CAP1: variants seen among roughly 807,000 people sequenced by gnomAD.
CAP1 encodes adenylyl cyclase-associated protein 1.
Under a neutral mutation model 58.2 loss-of-function variants are expected in CAP1, and 11 were observed. The observed-to-expected ratio is 0.19, with a 90% CI of 0.12 to 0.31. The LOEUF (loss-of-function observed/expected upper bound fraction) is 0.31, where lower values mean the gene tolerates loss of function less well. Among genes scored for constraint, CAP1 ranks in the 10% least tolerant of loss-of-function variants. CAP1 has a pLI of 1.00. For missense variants in CAP1, 423 were observed against 587.5 expected, an observed-to-expected ratio of 0.72 and a Z score of 2.89; for synonymous variants, 183 against 213.8, an observed-to-expected ratio of 0.86 and a Z score of 1.26.
chr1:40,070,349 C>T, intron 10 of CAP1, 67 bp downstream of exon 10: 1 of 1,608,572 alleles, frequency 6.2e-7, no homozygotes, highest in Non-Finnish European at 8.5e-7. Flanking sequence ...ACCATTTTAC[C>T]TACCCTATCC....
chr1:40,047,779 G>C (rs1344696129), intron 1 of CAP1, among the ~76,000 whole-genome samples: 1 of 152,180 alleles, frequency 6.6e-6, no homozygotes, highest in African/African-American at 2.4e-5. Context: ...TCCAGACATT[G>C]AAACAGCTAG....
chr1:40,049,430 C>T (rs535832598), intron 1 of CAP1, among the ~76,000 whole-genome samples: 10 of 151,976 alleles, frequency 6.6e-5, no homozygotes, highest in East Asian at 1.9e-4. Flanking sequence ...AGGCTGGTCT[C>T]GAACTCTTGA....
upstream of CAP1, chr1:40,040,325 T>C (rs1268660128): frequency 6.6e-6 from 1 of 151,784 alleles, no homozygotes; most frequent in Non-Finnish European, 1.5e-5. Context: ...CAAGACCCTT[T>C]ACGGACTGCA....
chr1:40,061,590 C>T, intron 3 of CAP1, 145 bp from the exon 4 acceptor site: 3 of 713,242 alleles, frequency 4.2e-6, no homozygotes, highest in Non-Finnish European at 2.5e-6. Flanking sequence ...TGCTCTCAGT[C>T]CCTGGAATCT....
intron 3 of CAP1, 59 bp downstream of exon 3, chr1:40,060,229 C>A: frequency 1.6e-6 from 2 of 1,274,110 alleles, no homozygotes; most frequent in Non-Finnish European, 1.1e-6. Context: ...CTTCAGTCAG[C>A]CAAGGTCCTC....
intron 7 of CAP1, 70 bp from the exon 8 acceptor site, chr1:40,067,470 A>T: frequency 7.5e-7 from 1 of 1,333,640 alleles, no homozygotes; most frequent in Non-Finnish European, 1.0e-6. Context: ...TGGCCCATGT[A>T]GGGCACTACT....
rs1450513855 is a variant in CAP1, at chr1:40,070,482, G to A, written c.1170G>A (p.Glu390=). 6.2e-7 allele frequency: 1 copy of A among 1,614,102 alleles called. No homozygotes were observed. The highest frequency in any genetic ancestry group is 8.5e-7 in the Non-Finnish European group (1 of 1,179,938). Residue 390 remains glutamate, a synonymous_variant, in exon 11 of 13, where the codon GAG becomes GAA. Coordinates refer to ENST00000372805, the MANE Select transcript of CAP1 (RefSeq NM_006367.4). The part of the protein sequence containing the change: ...LVFDDVVGIV[E]IINSKDVKVQ... Reference sequence around the variant, plus strand: ...TCGATGACGTGGTGGGCATTGTGGAGATAATCAACAGTAAGGATGTCAAAG... The same window carrying A: ...TCGATGACGTGGTGGGCATTGTGGAAATAATCAACAGTAAGGATGTCAAAG...
chr1:40,052,956 G>A (rs1238103459), intron 1 of CAP1, among the ~76,000 whole-genome samples: 1 of 152,082 alleles, frequency 6.6e-6, no homozygotes, highest in Non-Finnish European at 1.5e-5. Flanking sequence ...CAGGCATGGT[G>A]GCTCACGCCT....
chr1:40,064,139 A>AT, intron 4 of CAP1, 88 bp from the exon 5 acceptor site: 1 of 1,307,172 alleles, frequency 7.7e-7, no homozygotes, highest in Non-Finnish European at 1.1e-6. Context: ...ACTAGAGTCC[A>AT]TAGAGAATTC....
At chr1:40,053,409 A>G (rs1646468332) in intron 1 of CAP1, among the ~76,000 whole-genome samples, 1 of 151,738 alleles carries the variant, frequency 6.6e-6, no homozygotes. Flanking sequence ...GAATATTTGT[A>G]CTCTAGGCCT....
intron 5 of CAP1, 23 bp from the exon 6 acceptor site, chr1:40,064,451 A>T: frequency 1.2e-6 from 2 of 1,611,704 alleles, no homozygotes; most frequent in African/African-American, 2.7e-5. Flanking sequence ...GTCCTGAGTC[A>T]CTGACAGCTT....
intron 1 of CAP1, among the ~76,000 whole-genome samples, chr1:40,052,799 G>A (rs1646435103): frequency 6.6e-6 from 1 of 152,106 alleles, no homozygotes; most frequent in African/African-American, 2.4e-5. Flanking sequence ...GCAGAAAAAT[G>A]GAAGATGCTG....
intron 1 of CAP1, among the ~76,000 whole-genome samples, chr1:40,044,961 T>C (rs1261818832): frequency 6.6e-6 from 1 of 151,914 alleles, no homozygotes; most frequent in East Asian, 1.9e-4. Flanking sequence ...CAGGCCCAGC[T>C]AATTTTTTGT....
In CAP1 at chr1:40,064,443, C is replaced by T. The variant is rs762072444; in HGVS notation, c.439-31C>T. The stretch of plus-strand genomic sequence containing the variant: ...GGGAAGGCAATATAGTTGGAGAGGT[C>T]CTGAGTCACTGACAGCTTGTCTCTC... On this transcript the variant is annotated intron_variant, in intron 5 of 12. Coordinates refer to ENST00000372805, the MANE Select transcript of CAP1 (RefSeq NM_006367.4). 5 of 1,610,926 alleles carry T rather than the reference C, an allele frequency of 3.1e-6. No homozygotes were observed. In the Admixed American group the frequency reaches 8.3e-5, roughly 27 times the overall value.
intron 1 of CAP1, among the ~76,000 whole-genome samples, chr1:40,053,531 A>G (rs969560784): frequency 7.9e-5 from 12 of 152,018 alleles, no homozygotes; most frequent in African/African-American, 2.7e-4. Flanking sequence ...GCTCACTGCA[A>G]TCTCCGCCTC....
At chr1:40,040,321 C>G (rs1210666112), upstream of CAP1, 1 of 152,116 alleles carries the variant, frequency 6.6e-6, no homozygotes, top group Non-Finnish European at 1.5e-5. Context: ...GTTCCAAGAC[C>G]CTTTACGGAC....
At chr1:40,042,821 G>T (rs1297091297) in intron 1 of CAP1, among the ~76,000 whole-genome samples, 1 of 152,162 alleles carries the variant, frequency 6.6e-6, no homozygotes, top group Non-Finnish European at 1.5e-5. Flanking sequence ...GGAGGCATCA[G>T]ATGTGAGCAA....
At chr1:40,051,600 G>A (rs1403730004) in intron 1 of CAP1, among the ~76,000 whole-genome samples, 1 of 152,130 alleles carries the variant, frequency 6.6e-6, no homozygotes, top group Non-Finnish European at 1.5e-5. Context: ...TTTTGAGATG[G>A]AGTCTCACTC....
Position 40,071,976 on chromosome 1 carries a change from A to T in CAP1, c.*443A>T. 2.5e-6 allele frequency: 1 copy of T among 407,502 alleles called. No individual in the cohort carries two copies. The highest frequency in any genetic ancestry group is 2.0e-5 in the African/African-American group (1 of 48,872). The allele number at this position is 407,502 out of a possible 1,614,324, so 25.2% of individuals were successfully genotyped here. On this transcript the variant is annotated 3_prime_UTR_variant, in exon 13 of 13. Coordinates refer to ENST00000372805, the MANE Select transcript of CAP1 (RefSeq NM_006367.4). ...GGTGTGTTTCCAGATGGTTCTTCTA[A>T]CCAAACTAATTTTTCACTGTTGACA... is the stretch of plus-strand genomic sequence containing the variant.
Sources: gnomAD v4.1 joint callset for allele counts (sites outside exome capture counted in the v4.1 genomes callset) on GRCh38, gnomAD v4.1.1 for gene constraint, MANE v1.5 for transcripts, NCBI Gene and HGNC (gene_info 2026-07-23, HGNC 2026-07-21) for gene names.